The following ATG7 variants were observed in gnomAD, a reference collection of about 807,000 sequenced individuals.
The protein encoded by ATG7 is ubiquitin-like modifier-activating enzyme ATG7.
ATG7 carries 70 observed loss-of-function variants against 82.4 expected under a neutral mutation model. That is an observed-to-expected ratio of 0.85 (90% CI 0.70 to 1.04). ATG7 has a LOEUF of 1.04. ATG7 is among the 50% of genes least tolerant of loss of function. The probability of loss-of-function intolerance (pLI) is 0.00; values close to 1 mark genes in which losing one functional copy is unlikely to be tolerated. For synonymous variants in ATG7, 287 were observed against 313.0 expected (o/e 0.92, Z 0.88); for missense variants, 792 against 864.3 (o/e 0.92, Z 1.05).
Position 11,513,387 on chromosome 3 carries a change from C to T in ATG7, c.2080-41424C>T, listed in dbSNP as rs183173345. Among the ~76,000 whole-genome samples the T allele has an allele frequency of 5.0e-3, 765 of 152,320 alleles. 6 individuals are homozygous for T. Among genetic ancestry groups the T allele is most frequent in the African/African-American group, 0.017 (722 of 41,572 alleles). On this transcript the variant is annotated intron_variant, in intron 20 of 20. Coordinates refer to ENST00000693202, the MANE Select transcript of ATG7 (RefSeq NM_001349232.2). ...GGGCTGCAGGTCCTGAGCCCTGCCC[C>T]GCGGGGAGGCAGCTAAGGCCCAGGG... is the stretch of plus-strand genomic sequence containing the variant.
intron 1 of ATG7, among the ~76,000 whole-genome samples, chr3:11,276,151 C>T (rs920600735): frequency 6.6e-6 from 1 of 152,170 alleles, no homozygotes; most frequent in African/African-American, 2.4e-5. Context: ...ATTCATTCCT[C>T]TCCTCAACCT....
chr3:11,573,299 GAAAGA>G, the ATG7 span, among the ~76,000 whole-genome samples: 766 of 16,950 alleles, frequency 0.045, 66 homozygotes, highest in African/African-American at 0.052. Flanking sequence ...AAGAAAGAAA[GAAAGA>G]AAGGAAGGAA....
chr3:11,390,126 G>A (rs188536253), intron 19 of ATG7, among the ~76,000 whole-genome samples: 4 of 152,254 alleles, frequency 2.6e-5, no homozygotes, highest in Admixed American at 2.0e-4. Context: ...GCTCAACATC[G>A]CTCTTTCTTA....
At chr3:11,502,867 A>G (rs1199685660) in intron 20 of ATG7, among the ~76,000 whole-genome samples, 1 of 152,184 alleles carries the variant, frequency 6.6e-6, no homozygotes, top group East Asian at 1.9e-4. Context: ...CTTTTGTGCA[A>G]TAGGACAGAC....
At chr3:11,558,495 T>C (rs542555092), downstream of ATG7, 78 of 1,060,732 alleles carry the variant, frequency 7.4e-5, no homozygotes, top group East Asian at 3.3e-3. Context: ...TTTTAAGTAC[T>C]GACTGTTCAA....
intron 20 of ATG7, among the ~76,000 whole-genome samples, chr3:11,544,363 C>A (rs1372514242): frequency 6.6e-6 from 1 of 152,220 alleles, no homozygotes. Context: ...TGAGGCCCCC[C>A]ATCTGCAGAG....
At chr3:11,412,970 T>C (rs957596091) in intron 19 of ATG7, among the ~76,000 whole-genome samples, 14 of 152,282 alleles carry the variant, frequency 9.2e-5, no homozygotes, top group African/African-American at 3.4e-4. Context: ...AATAAACTTA[T>C]AGTTTCTTTT....
chr3:11,564,392 G>T, the ATG7 span, among the ~76,000 whole-genome samples: 16 of 110,078 alleles, frequency 1.5e-4, no homozygotes, highest in Non-Finnish European at 3.0e-4. Context: ...ACCGTCTAAA[G>T]GAGAAACGTA....
intron 20 of ATG7, among the ~76,000 whole-genome samples, chr3:11,475,906 CA>C (rs1165201855): frequency 1.3e-5 from 2 of 149,720 alleles, no homozygotes; most frequent in African/African-American, 2.5e-5. Flanking sequence ...CACACACACA[CA>C]CCCCCTCCCA....
chr3:11,298,604 T>G, intron 3 of ATG7, 82 bp from the exon 4 acceptor site: 1 of 1,384,772 alleles, frequency 7.2e-7, no homozygotes, highest in East Asian at 2.3e-5. Context: ...TTGTTTGAAT[T>G]AAACTTTATT....
chr3:11,493,663 C>G (rs2090582790), intron 20 of ATG7, among the ~76,000 whole-genome samples: 1 of 152,122 alleles, frequency 6.6e-6, no homozygotes. Context: ...AGAGTCTAAG[C>G]CTAACCAGGT....
At chr3:11,386,869 G>T (rs546229146) in intron 19 of ATG7, among the ~76,000 whole-genome samples, 1 of 152,350 alleles carries the variant, frequency 6.6e-6, no homozygotes, top group South Asian at 2.1e-4. Context: ...GGAATATACA[G>T]CCAGAGCTGG....
intron 20 of ATG7, among the ~76,000 whole-genome samples, chr3:11,511,334 C>G (rs2092042172): frequency 6.6e-6 from 1 of 152,182 alleles, no homozygotes; most frequent in Admixed American, 6.5e-5. Context: ...TCTCCATGTT[C>G]CCATCATATT....
Position 11,482,037 on chromosome 3 carries a change from C to A in ATG7, c.2079+55111C>A, listed in dbSNP as rs549654748. Among the ~76,000 whole-genome samples the A allele has an allele frequency of 3.3e-5, 5 of 152,300 alleles. No homozygotes were observed. The East Asian group carries it at 9.7e-4, about 29-fold the overall frequency. Reference sequence around the variant, plus strand: ...TAATGAAATGGGGCTTCAAGGAGCCCTTAATTCTCCACGTGTGGGAGCTCA... The same window carrying A: ...TAATGAAATGGGGCTTCAAGGAGCCATTAATTCTCCACGTGTGGGAGCTCA... On this transcript the variant is annotated intron_variant, in intron 20 of 20. Coordinates refer to ENST00000693202, the MANE Select transcript of ATG7 (RefSeq NM_001349232.2).
intron 20 of ATG7, among the ~76,000 whole-genome samples, chr3:11,506,694 A>T (rs2091750604): frequency 6.6e-6 from 1 of 151,736 alleles, no homozygotes; most frequent in Non-Finnish European, 1.5e-5. Flanking sequence ...GTGAGCTGAG[A>T]TTGTGCCACT....
intron 9 of ATG7, among the ~76,000 whole-genome samples, chr3:11,327,402 T>C (rs1951031962): frequency 6.6e-6 from 1 of 152,224 alleles, no homozygotes; most frequent in African/African-American, 2.4e-5. Context: ...GCTAAGATGA[T>C]AGTGTACATA....
intron 18 of ATG7, among the ~76,000 whole-genome samples, chr3:11,370,858 T>G (rs1453593122): frequency 6.6e-6 from 1 of 151,198 alleles, no homozygotes; most frequent in Non-Finnish European, 1.5e-5. Context: ...GAGTTTTGTT[T>G]TTTTTTTAAT....
rs184933131 is a variant in ATG7 at position 11,454,949 on chromosome 3, G to A, written c.2079+28023G>A. Among the ~76,000 whole-genome samples the A allele has an allele frequency of 6.6e-5, 10 of 151,996 alleles. No individual in the cohort carries two copies. The East Asian group carries it at 1.9e-3, about 29-fold the overall frequency. ...GCCTCCCAGAAGCTCTATTTTTGAG[G>A]GTTTTTAAAATATTATCAAAACTAG... On this transcript the variant is annotated intron_variant, in intron 20 of 20. Transcript: ENST00000693202.
chr3:11,417,805 ATTTTATT>A (rs1387925135), intron 19 of ATG7, among the ~76,000 whole-genome samples: 11 of 52,748 alleles, frequency 2.1e-4, no homozygotes, highest in Middle Eastern at 0.011. Flanking sequence ...TTATTATTTT[ATTTTATT>A]TTATTTTTTT....
Sources: gnomAD v4.1 joint callset for allele counts (sites outside exome capture counted in the v4.1 genomes callset) on GRCh38, gnomAD v4.1.1 for gene constraint, MANE v1.5 for transcripts, NCBI Gene and HGNC (gene_info 2026-07-23, HGNC 2026-07-21) for gene names.